The following DOCK7 variants were observed in gnomAD, a reference collection of about 807,000 sequenced individuals.
DOCK7 encodes the protein dedicator of cytokinesis protein 7.
In DOCK7, 138 loss-of-function variants were observed where a neutral mutation model predicts 271.0. That is an observed-to-expected ratio of 0.51 (90% CI 0.44 to 0.59). The LOEUF (loss-of-function observed/expected upper bound fraction) is 0.59, where lower values mean the gene tolerates loss of function less well. Ranked by LOEUF, DOCK7 falls within the 20% of genes least tolerant of loss-of-function variation. DOCK7 has a pLI of 0.00. For missense variants in DOCK7, 2,066 were observed against 2,592.4 expected (o/e 0.80, Z 4.41); for synonymous variants, 823 against 876.1 (o/e 0.94, Z 1.07).
intron 27 of DOCK7, among the ~76,000 whole-genome samples, chr1:62,538,335 G>A (rs1369066173): frequency 6.6e-6 from 1 of 152,012 alleles, no homozygotes; most frequent in African/African-American, 2.4e-5. Context: ...CATAAAACAG[G>A]GAAAACGTAT....
intron 43 of DOCK7, chr1:62,484,287 T>C (rs754282454): frequency 2.6e-5 from 4 of 152,022 alleles, no homozygotes; most frequent in Admixed American, 6.6e-5. Flanking sequence ...AGAGATCTTC[T>C]CTAGCCTTTC....
chr1:62,687,919 C>T (rs1048323112), intron 1 of DOCK7, among the ~76,000 whole-genome samples: 144 of 152,286 alleles, frequency 9.5e-4, no homozygotes, highest in Non-Finnish European at 1.8e-3. Flanking sequence ...CTTCCATAAA[C>T]CTCCGCAGAA....
At chr1:62,561,575 T>G (rs1465613015) in intron 19 of DOCK7, 42 bp downstream of exon 19, 1 of 1,294,014 alleles carries the variant, frequency 7.7e-7, no homozygotes, top group Non-Finnish European at 1.0e-6. Flanking sequence ...TACGTTCAAT[T>G]TATTTAAGTG....
intron 18 of DOCK7, among the ~76,000 whole-genome samples, chr1:62,563,424 G>GC (rs1272375533): frequency 1.3e-5 from 2 of 152,070 alleles, no homozygotes; most frequent in African/African-American, 4.8e-5. Flanking sequence ...TGACATAGAT[G>GC]CTAGATAGAC....
chr1:62,527,358 AGAAAT>A (rs1474267140), intron 31 of DOCK7, among the ~76,000 whole-genome samples: 2 of 152,210 alleles, frequency 1.3e-5, no homozygotes, highest in African/African-American at 4.8e-5. Context: ...AAAAAAATAA[AGAAAT>A]GAACTATTCC....
At chr1:62,662,910 A>G in intron 2 of DOCK7, 115 bp downstream of exon 2, 1 of 704,850 alleles carries the variant, frequency 1.4e-6, no homozygotes, top group South Asian at 2.8e-5. Flanking sequence ...TGAGGTAACA[A>G]GTAAGGTTAT....
chr1:62,539,693 A>C (rs747385607), intron 26 of DOCK7, 35 bp from the exon 27 acceptor site: 8 of 1,610,290 alleles, frequency 5.0e-6, no homozygotes, highest in Non-Finnish European at 6.8e-6. Flanking sequence ...AACAAATTAA[A>C]GTATGATAGC....
intron 20 of DOCK7, among the ~76,000 whole-genome samples, chr1:62,556,711 A>G (rs1646155268): frequency 6.6e-6 from 1 of 152,180 alleles, no homozygotes; most frequent in Admixed American, 6.5e-5. Flanking sequence ...GAGCAATAGG[A>G]TCTTAGATTC....
intron 10 of DOCK7, 99 bp downstream of exon 10, chr1:62,633,399 T>G: frequency 1.1e-6 from 1 of 880,052 alleles, no homozygotes; most frequent in East Asian, 2.5e-5. Flanking sequence ...ATATTAAAGC[T>G]ATTAATTGCT....
In DOCK7 at chr1:62,568,285, C is replaced by G. The variant is rs189866889; in HGVS notation, c.2113-6582G>C. Among the ~76,000 whole-genome samples, 8 of 151,818 alleles carry G rather than the reference C, an allele frequency of 5.3e-5. No homozygotes were observed. In the East Asian group the frequency reaches 1.6e-3, roughly 29 times the overall value. ...GGGAAATTTATAGCACTAAAATGCC[C>G]ACATTAAAAAGCTAGAAAGATTTTT... On this transcript the variant is annotated intron_variant, in intron 18 of 49. Coordinates refer to ENST00000635253, the MANE Select transcript of DOCK7 (RefSeq NM_001367561.1).
chr1:62,477,901 G>T (rs1239746935), intron 43 of DOCK7, 76 bp from the exon 44 acceptor site: 13 of 1,426,848 alleles, frequency 9.1e-6, no homozygotes, highest in Non-Finnish European at 6.5e-6. Context: ...TGTTTAGATT[G>T]TTACAGCATA....
chr1:62,520,180 C>T (rs1218817651), intron 31 of DOCK7, among the ~76,000 whole-genome samples: 20 of 152,194 alleles, frequency 1.3e-4, no homozygotes. Context: ...CCATTCAGGA[C>T]ATAGGCATGG....
intron 28 of DOCK7, among the ~76,000 whole-genome samples, chr1:62,536,759 C>G (rs371602437): frequency 1.1e-3 from 164 of 152,174 alleles, no homozygotes; most frequent in South Asian, 8.9e-3. Context: ...TTAAGATTAA[C>G]TAACTTTCAC....
At position 62,475,304 on chromosome 1, in the gene DOCK7, C is replaced by T. The variant is rs539480591; in HGVS notation, c.6009G>A (p.Lys2003=). ...IEVAIEDMQK[K]TQELAFATHQ... Reference sequence around the variant, plus strand: ...GTGTTGCAAATGCCAACTCCTGTGTCTTTTTCTGCATGTCCTCAATAGCAA... The same window carrying T: ...GTGTTGCAAATGCCAACTCCTGTGTTTTTTTCTGCATGTCCTCAATAGCAA... Residue 2003 remains lysine (K), a synonymous_variant, in exon 47 of 50, where the codon AAG becomes AAA. Coordinates refer to ENST00000635253, the MANE Select transcript of DOCK7 (RefSeq NM_001367561.1). The T allele has an allele frequency of 2.7e-5, 43 of 1,613,846 alleles. No individual in the cohort carries two copies. The South Asian group carries it at 4.4e-4, about 16-fold the overall frequency.
intron 7 of DOCK7, among the ~76,000 whole-genome samples, chr1:62,637,430 T>C (rs1655414270): frequency 6.6e-6 from 1 of 152,114 alleles, no homozygotes; most frequent in Non-Finnish European, 1.5e-5. Context: ...CAAGGGAACA[T>C]TTGGCAATAC....
At chr1:62,467,556 A>G (rs1645715103) in intron 48 of DOCK7, among the ~76,000 whole-genome samples, 1 of 152,254 alleles carries the variant, frequency 6.6e-6, no homozygotes, top group African/African-American at 2.4e-5. Flanking sequence ...AACTAAAGCA[A>G]GTGGTGGAAG....
rs1416820871 is a variant in DOCK7 at position 62,686,468 on chromosome 1, G to A, written c.38+1759C>T. ...CTCCCAAAGTGCTGGGATTACAGGC[G>A]TGAGCCACCGCGCCCGGCCAGTAAT... On this transcript the variant is annotated intron_variant, in intron 1 of 49. Coordinates refer to ENST00000635253, the MANE Select transcript of DOCK7 (RefSeq NM_001367561.1). Among the ~76,000 whole-genome samples the A allele has an allele frequency of 6.0e-3, 4 of 668 alleles. 2 individuals carry two copies. Among genetic ancestry groups the A allele is most frequent in the African/African-American group, 6.1e-3 (4 of 654 alleles). 0.4% of individuals were successfully genotyped at this position (668 alleles called of 152,430 possible).
At position 62,569,721 on chromosome 1, in the gene DOCK7, C is replaced by G. The variant is rs555524078; in HGVS notation, c.2112+7541G>C. Among the ~76,000 whole-genome samples, 5 of 139,568 alleles carry G rather than the reference C, an allele frequency of 3.6e-5. 1 individual carries two copies. Among genetic ancestry groups the G allele is most frequent in the South Asian group, 2.5e-4 (1 of 3,970 alleles). 91.6% of individuals were successfully genotyped at this position (139,568 alleles called of 152,430 possible). ...TCACCACTCTCCCCCCTCCCCCCCC[C>G]CTTTTTTTTTGAGACAGAGTCTCAC... is the stretch of plus-strand genomic sequence containing the variant. On this transcript the variant is annotated intron_variant, in intron 18 of 49. Transcript: ENST00000635253.
chr1:62,669,451 C>T (rs982242971), intron 1 of DOCK7, among the ~76,000 whole-genome samples: 3 of 152,140 alleles, frequency 2.0e-5, no homozygotes, highest in East Asian at 1.9e-4. Flanking sequence ...TTGCAACCTC[C>T]TTGAGGAATA....
Sources: gnomAD v4.1 joint callset for allele counts (sites outside exome capture counted in the v4.1 genomes callset) on GRCh38, gnomAD v4.1.1 for gene constraint, MANE v1.5 for transcripts, NCBI Gene and HGNC (gene_info 2026-07-23, HGNC 2026-07-21) for gene names.